The following POF1B variants were observed in gnomAD, a reference collection of about 807,000 sequenced individuals.
The protein encoded by POF1B is protein POF1B.
Under a neutral mutation model 55.3 loss-of-function variants are expected in POF1B, and 53 were observed. The ratio of observed to expected loss-of-function variants is 0.96; its 90% CI spans 0.77 to 1.20. POF1B has a LOEUF of 1.20. Ranked by LOEUF, POF1B falls within the 50% of genes most tolerant of loss-of-function variation. The pLI is 0.00. For synonymous variants in POF1B, 188 were observed against 148.3 expected (o/e 1.27, Z -1.95); for missense variants, 478 against 420.5 (o/e 1.14, Z -1.20).
At chrX:85,299,476 G>A (rs1160530963) in intron 15 of POF1B, among the ~76,000 whole-genome samples, 1 of 101,732 alleles carries the variant, frequency 9.8e-6, no homozygotes, top group Non-Finnish European at 2.0e-5. Flanking sequence ...TTTTAGTAGA[G>A]ACCGGGTTTC....
chrX:85,321,204 G>A (rs1932834475), intron 7 of POF1B, among the ~76,000 whole-genome samples: 2 of 111,438 alleles, frequency 1.8e-5, no homozygotes, highest in Non-Finnish European at 1.9e-5. Flanking sequence ...TAAAATACTG[G>A]CAAACCGAAT....
At chrX:85,323,076 C>T (rs1932856629) in intron 7 of POF1B, among the ~76,000 whole-genome samples, 1 of 110,826 alleles carries the variant, frequency 9.0e-6, no homozygotes, top group Admixed American at 9.6e-5. Context: ...ACCACTTGAC[C>T]CAGCCATCCC....
intron 4 of POF1B, among the ~76,000 whole-genome samples, chrX:85,353,357 T>C (rs1404253241): frequency 9.0e-6 from 1 of 110,713 alleles, no homozygotes; most frequent in Non-Finnish European, 1.9e-5. Context: ...TGAAGTTTAC[T>C]TCAGGGAGAT....
In POF1B at chrX:85,345,930, C is replaced by T; in HGVS notation, c.653G>A (p.Gly218Glu). 8.3e-7 allele frequency: 1 copy of T among 1,208,002 alleles called. No individual in the cohort carries two copies. Among genetic ancestry groups the T allele is most frequent in the Non-Finnish European group, 1.1e-6 (1 of 893,515 alleles). ...DSSQQIQAITGNNPISTHIGN... is the reference protein window; with the variant it reads ...DSSQQIQAITENNPISTHIGN... ...AATATGTGTAGAAATTGGATTATTT[C>T]CTGTGATGGCTTGGATTTGCTGGCT... Residue 218 changes from glycine (G) to glutamate (E), a missense_variant, in exon 6 of 17, where the codon GGA (glycine) becomes GAA (glutamate). Gly to Glu is a moderately conservative substitution (Grantham distance 98, BLOSUM62 -2). Transcript: ENST00000262753.
intron 14 of POF1B, 50 bp from the exon 15 acceptor site, chrX:85,303,538 G>A (rs761078659): frequency 1.2e-6 from 1 of 832,651 alleles, no homozygotes; most frequent in African/African-American, 2.1e-5. Context: ...AGAAACATGA[G>A]ATAATAAATA....
intron 7 of POF1B, among the ~76,000 whole-genome samples, chrX:85,318,391 C>A (rs767779555): frequency 4.5e-5 from 5 of 111,079 alleles, no homozygotes; most frequent in Non-Finnish European, 9.5e-5. Flanking sequence ...CCCATTTGTC[C>A]ATTTTTGTTT....
chrX:85,319,502 G>T (rs759309585), intron 7 of POF1B, among the ~76,000 whole-genome samples: 18 of 111,342 alleles, frequency 1.6e-4, no homozygotes, highest in Non-Finnish European at 3.4e-4. Flanking sequence ...TTGCCTAAGG[G>T]CTTGTAAGAG....
chrX:85,306,400 T>C, intron 11 of POF1B, 67 bp from the exon 12 acceptor site: 1 of 1,041,208 alleles, frequency 9.6e-7, no homozygotes, highest in Non-Finnish European at 1.3e-6. Flanking sequence ...GTTCTTTTTA[T>C]TGATTCATTC....
chrX:85,374,716 C>T (rs927545010), intron 2 of POF1B, among the ~76,000 whole-genome samples: 1 of 111,694 alleles, frequency 9.0e-6, no homozygotes, highest in African/African-American at 3.3e-5. Context: ...TTAAAAACCA[C>T]CTGACATTTA....
rs765356576 is a variant in POF1B, at chrX:85,343,759, C to A, written c.723+2101G>T. ...ACTGAAACTAGTCTGCTTTCTATCA[C>A]CAATACCTTCCCTGTGGCAGACTCT... On this transcript the variant is annotated intron_variant, in intron 6 of 16. Coordinates refer to ENST00000262753, the MANE Select transcript of POF1B (RefSeq NM_024921.4). Among the ~76,000 whole-genome samples the A allele has an allele frequency of 1.1e-3, 122 of 110,675 alleles. 1 individual carries two copies. The highest frequency in any genetic ancestry group is 3.6e-3 in the African/African-American group (109 of 30,539).
At chrX:85,322,387 T>C (rs191957120) in intron 7 of POF1B, among the ~76,000 whole-genome samples, 27,481 of 109,342 alleles carry the variant, frequency 0.25, 3,910 homozygotes, top group African/African-American at 0.53. Context: ...AACTGGCTAG[T>C]CATATGTAGA....
rs1434111313 is a variant in POF1B, at chrX:85,279,328, C to T, written c.*93G>A. On this transcript the variant is annotated 3_prime_UTR_variant, in exon 17 of 17. Coordinates refer to ENST00000262753, the MANE Select transcript of POF1B (RefSeq NM_024921.4). Reference sequence around the variant, plus strand: ...AGCATGGTTCCAAATTCTGATTGGCCTTTAGTGATGGAAAAATAACAAAGT... The same window carrying T: ...AGCATGGTTCCAAATTCTGATTGGCTTTTAGTGATGGAAAAATAACAAAGT... The T allele has an allele frequency of 3.2e-6, 3 of 929,241 alleles. No homozygotes were observed. The highest frequency in any genetic ancestry group is 6.3e-5 in the East Asian group (2 of 31,928). The allele number at this position is 929,241 out of a possible 1,213,427, so 76.6% of individuals were successfully genotyped here.
At chrX:85,287,460 G>T (rs775097588) in intron 15 of POF1B, among the ~76,000 whole-genome samples, 101 of 110,947 alleles carry the variant, frequency 9.1e-4, no homozygotes, top group Non-Finnish European at 1.2e-3. Context: ...AAATATTATG[G>T]CAATTTTATG....
intron 16 of POF1B, 97 bp from the exon 17 acceptor site, chrX:85,279,523 T>C: frequency 2.4e-6 from 2 of 844,800 alleles, no homozygotes; most frequent in South Asian, 5.1e-5. Context: ...AATTGGTATG[T>C]ATAAAACCAA....
intron 12 of POF1B, 40 bp from the exon 13 acceptor site, chrX:85,305,950 T>C: frequency 8.5e-7 from 1 of 1,176,338 alleles, no homozygotes; most frequent in South Asian, 1.9e-5. Flanking sequence ...TGGATTGTTT[T>C]GAAGAAAATA....
In POF1B at chrX:85,367,616, G is replaced by A. The variant is rs1408182374; in HGVS notation, c.357+76C>T. ...GTGTAAAGTCTTATGGGGGTCTAAA[G>A]ATTGCTTACATACATGAAGAAGACT... On this transcript the variant is annotated intron_variant, in intron 3 of 16. Coordinates refer to ENST00000262753, the MANE Select transcript of POF1B (RefSeq NM_024921.4). 24 of 734,697 alleles carry A rather than the reference G, an allele frequency of 3.3e-5. No individual in the cohort carries two copies. The East Asian group carries it at 7.9e-4, about 24-fold the overall frequency. The allele number at this position is 734,697 out of a possible 1,213,427, so 60.5% of individuals were successfully genotyped here. A position where few individuals can be genotyped will look rare whatever the true frequency, so the allele number is the denominator to read the frequency against.
Position 85,278,598 on chromosome X carries a change from A to G in POF1B, c.*823T>C, listed in dbSNP as rs2147885234. Reference sequence around the variant, plus strand: ...TTTTATTCCCTAAGTCTTTATATCTATGTAATATTTCAATGATATGTTTGC... The same window carrying G: ...TTTTATTCCCTAAGTCTTTATATCTGTGTAATATTTCAATGATATGTTTGC... On this transcript the variant is annotated 3_prime_UTR_variant, in exon 17 of 17. Coordinates refer to ENST00000262753, the MANE Select transcript of POF1B (RefSeq NM_024921.4). 1 of 111,256 alleles carries G rather than the reference A, an allele frequency of 9.0e-6. No homozygotes were observed. Among genetic ancestry groups the G allele is most frequent in the African/African-American group, 3.3e-5 (1 of 30,750 alleles). 9.2% of individuals were successfully genotyped at this position (111,256 alleles called of 1,213,427 possible).
At chrX:85,351,963 G>A (rs770529634) in intron 4 of POF1B, among the ~76,000 whole-genome samples, 44 of 110,322 alleles carry the variant, frequency 4.0e-4, no homozygotes, top group Non-Finnish European at 6.5e-4. Context: ...ATTCTTAATT[G>A]TAATTATAAT....
intron 2 of POF1B, among the ~76,000 whole-genome samples, chrX:85,369,660 C>T (rs1933787115): frequency 9.0e-6 from 1 of 111,368 alleles, no homozygotes; most frequent in African/African-American, 3.3e-5. Context: ...TTTATGTTTT[C>T]CTGCTGATTA....
Sources: allele counts gnomAD v4.1 joint callset (sites outside exome capture counted in the v4.1 genomes callset), GRCh38; gene constraint gnomAD v4.1.1; transcripts MANE v1.5; gene names NCBI Gene and HGNC (gene_info 2026-07-23, HGNC 2026-07-21).